Variants in LIMS4 observed in about 807,000 individuals in gnomAD.
LIMS4 encodes LIM and senescent cell antigen-like-containing domain protein 4.
chr2:110,391,190 C>A, the LIMS4 span, among the ~76,000 whole-genome samples: 2 of 151,536 alleles, frequency 1.3e-5, no homozygotes, highest in African/African-American at 4.9e-5. Flanking sequence ...TGGGCCAGGT[C>A]CACTGTATGA....
chr2:110,361,996 G>T, the LIMS4 span: 3 of 1,122,780 alleles, frequency 2.7e-6, no homozygotes, highest in Non-Finnish European at 3.9e-6. Context: ...TCCTTGTGTA[G>T]TGCAGACAGT....
chr2:110,382,653 A>G, the LIMS4 span: 1 of 64,734 alleles, frequency 1.5e-5, no homozygotes, highest in East Asian at 5.4e-4. Context: ...GGTGTAGGTA[A>G]GTAACAGAAT....
chr2:110,390,959 G>T, the LIMS4 span, among the ~76,000 whole-genome samples: 1 of 152,300 alleles, frequency 6.6e-6, no homozygotes, highest in East Asian at 1.9e-4. Context: ...ATGGTGGGGG[G>T]ATCTGAAAAG....
the LIMS4 span, among the ~76,000 whole-genome samples, chr2:110,382,148 TATAC>T: frequency 2.5e-4 from 21 of 84,414 alleles, no homozygotes; most frequent in Admixed American, 1.6e-3. Context: ...TATATATATA[TATAC>T]ATGTTTGAAC....
At chr2:110,385,111 C>T in the LIMS4 span, among the ~76,000 whole-genome samples, 10 of 132,284 alleles carry the variant, frequency 7.6e-5, no homozygotes, top group South Asian at 2.5e-4. Flanking sequence ...GGGGGCTGGT[C>T]CTCGGGACCC....
chr2:110,382,890 T>TACTACCCA, the LIMS4 span: 1 of 154,886 alleles, frequency 6.5e-6, no homozygotes, highest in South Asian at 2.1e-4. Context: ...TAGTTTCTTC[T>TACTACCCA]GGAGTGATGA....
At chr2:110,407,550 A>C in the LIMS4 span, among the ~76,000 whole-genome samples, 1 of 110,858 alleles carries the variant, frequency 9.0e-6, no homozygotes, top group Admixed American at 9.3e-5. Flanking sequence ...TGCTCATTTT[A>C]CTCATTTGTC....
chr2:110,390,206 T>C, the LIMS4 span, among the ~76,000 whole-genome samples: 1 of 136,224 alleles, frequency 7.3e-6, no homozygotes, highest in Non-Finnish European at 1.5e-5. Flanking sequence ...ACCCCTGGAG[T>C]TCCTTCTGAG....
chr2:110,366,133 T>C, the LIMS4 span, among the ~76,000 whole-genome samples: 1 of 150,370 alleles, frequency 6.7e-6, no homozygotes, highest in Non-Finnish European at 1.5e-5. Context: ...GCTGCTACCA[T>C]CCCTGCTTGA....
the LIMS4 span, among the ~76,000 whole-genome samples, chr2:110,422,291 G>A: frequency 3.4e-5 from 1 of 29,016 alleles, no homozygotes; most frequent in Admixed American, 3.3e-4. Context: ...TATCTCAGAT[G>A]GCAGAAGCAA....
chr2:110,368,030 A>G, the LIMS4 span, among the ~76,000 whole-genome samples: 1 of 145,410 alleles, frequency 6.9e-6, no homozygotes, highest in South Asian at 2.2e-4. Context: ...TACGTAACAT[A>G]TATAAATATA....
chr2:110,368,616 G>C, the LIMS4 span, among the ~76,000 whole-genome samples: 1 of 143,298 alleles, frequency 7.0e-6, no homozygotes, highest in Non-Finnish European at 1.5e-5. Context: ...ACCCAAGACT[G>C]TAGTCTTATA....
chr2:110,365,946 A>G, the LIMS4 span, among the ~76,000 whole-genome samples: 1 of 150,766 alleles, frequency 6.6e-6, no homozygotes, highest in Non-Finnish European at 1.5e-5. Flanking sequence ...AAATTCCTGA[A>G]AACACAACTC....
the LIMS4 span, among the ~76,000 whole-genome samples, chr2:110,392,131 C>A: frequency 6.6e-6 from 1 of 152,090 alleles, no homozygotes; most frequent in Non-Finnish European, 1.5e-5. Context: ...AATTTAATAC[C>A]AGAAAATTAG....
the LIMS4 span, among the ~76,000 whole-genome samples, chr2:110,410,557 GA>G: frequency 8.1e-6 from 1 of 122,800 alleles, no homozygotes; most frequent in East Asian, 2.3e-4. Flanking sequence ...ATAGGCATAA[GA>G]AAACATATAG....
the LIMS4 span, among the ~76,000 whole-genome samples, chr2:110,419,671 A>G: frequency 2.2e-5 from 1 of 44,710 alleles, no homozygotes; most frequent in Non-Finnish European, 3.6e-5. Flanking sequence ...AAAAAAAAAA[A>G]AAAAAAGAAA....
the LIMS4 span, among the ~76,000 whole-genome samples, chr2:110,424,312 C>T: frequency 3.5e-5 from 2 of 57,196 alleles, no homozygotes; most frequent in African/African-American, 1.5e-4. Context: ...GCGCGCCCTC[C>T]CCTCTTCCCA....
At chr2:110,367,785 A>G in the LIMS4 span, among the ~76,000 whole-genome samples, 1 of 143,122 alleles carries the variant, frequency 7.0e-6, no homozygotes. Context: ...CAGAAGGCTG[A>G]GGTGGGAAGA....
At chr2:110,442,891 ATT>A (rs1265411715), downstream of LIMS4, among the ~76,000 whole-genome samples, 3 of 152,194 alleles carry the variant, frequency 2.0e-5, no homozygotes, top group African/African-American at 7.2e-5. Flanking sequence ...TAGAGACAGG[ATT>A]TCGCCACGTT....
Sources: allele counts gnomAD v4.1 joint callset (sites outside exome capture counted in the v4.1 genomes callset), GRCh38; gene constraint gnomAD v4.1.1; transcripts MANE v1.5; gene names NCBI Gene and HGNC (gene_info 2026-07-23, HGNC 2026-07-21).